The following ARIH1 variants were observed in gnomAD, a reference collection of about 807,000 sequenced individuals.
The protein encoded by ARIH1 is ariadne RBR E3 ubiquitin protein ligase 1.
Under a neutral mutation model 85.0 loss-of-function variants are expected in ARIH1, and 8 were observed. That is an observed-to-expected ratio of 0.09 (90% CI 0.06 to 0.17). The LOEUF (loss-of-function observed/expected upper bound fraction) is 0.17. Ranked by LOEUF, ARIH1 falls within the 10% of genes least tolerant of loss-of-function variation. ARIH1 has a pLI of 1.00. For synonymous variants in ARIH1, 238 were observed against 253.6 expected, an observed-to-expected ratio of 0.94 and a Z score of 0.59; for missense variants, 311 against 718.1, an observed-to-expected ratio of 0.43 and a Z score of 6.48.
rs1228681104 is a variant in ARIH1 at position 72,484,045 on chromosome 15, C to T, written c.375+9031C>T. ...AAAATTAGCCGGGCATGGTGGTGGG[C>T]GCCTGTAATCCCAGCTACTCGGGAG... is the stretch of plus-strand genomic sequence containing the variant. On this transcript the variant is annotated intron_variant, in intron 1 of 13. Coordinates refer to ENST00000379887, the MANE Select transcript of ARIH1 (RefSeq NM_005744.5). 3.3e-5 allele frequency among the ~76,000 whole-genome samples: 5 copies of T among 151,462 alleles called. No homozygotes were observed. The East Asian group carries it at 5.8e-4, about 18-fold the overall frequency.
intron 1 of ARIH1, among the ~76,000 whole-genome samples, chr15:72,476,564 C>A (rs1483508977): frequency 1.4e-4 from 21 of 152,122 alleles, no homozygotes; most frequent in Admixed American, 1.3e-3. Flanking sequence ...CGGGTTTCAC[C>A]ATGCTGGCCA....
At chr15:72,525,513 A>G (rs531595392) in intron 2 of ARIH1, among the ~76,000 whole-genome samples, 1 of 152,346 alleles carries the variant, frequency 6.6e-6, no homozygotes, top group African/African-American at 2.4e-5. Context: ...ATTTGAATGT[A>G]TTGGAAGTTC....
intron 11 of ARIH1, among the ~76,000 whole-genome samples, chr15:72,575,542 C>T (rs1163436697): frequency 5.7e-5 from 6 of 105,810 alleles, no homozygotes; most frequent in African/African-American, 2.3e-4. Context: ...CAGAGCAAGA[C>T]CCTGTCTCCA....
chr15:72,554,677 G>C (rs2064167504), intron 3 of ARIH1, among the ~76,000 whole-genome samples: 1 of 152,180 alleles, frequency 6.6e-6, no homozygotes, highest in Non-Finnish European at 1.5e-5. Context: ...ATGAGCCAGT[G>C]TGCTCTGCTT....
intron 1 of ARIH1, among the ~76,000 whole-genome samples, chr15:72,499,246 C>G (rs1471308105): frequency 6.6e-6 from 1 of 151,548 alleles, no homozygotes; most frequent in African/African-American, 2.4e-5. Context: ...AAAGTGTTGG[C>G]GTGAGCCACT....
chr15:72,493,481 A>G (rs1474548203), intron 1 of ARIH1, among the ~76,000 whole-genome samples: 1 of 152,108 alleles, frequency 6.6e-6, no homozygotes, highest in Non-Finnish European at 1.5e-5. Flanking sequence ...GTTTGTTCAT[A>G]CCCTCATTGC....
At position 72,479,173 on chromosome 15, in the gene ARIH1, A is replaced by G. The variant is rs544325395; in HGVS notation, c.375+4159A>G. Among the ~76,000 whole-genome samples, 6 of 152,312 alleles carry G rather than the reference A, an allele frequency of 3.9e-5. No homozygotes were observed. In the East Asian group the frequency reaches 1.2e-3, roughly 29 times the overall value. On this transcript the variant is annotated intron_variant, in intron 1 of 13. Coordinates refer to ENST00000379887, the MANE Select transcript of ARIH1 (RefSeq NM_005744.5). ...GCTCAAAGGAAATGCTCACTGCAGC[A>G]TTTTGGATTTCGGATTTTCAGATTA... is the stretch of plus-strand genomic sequence containing the variant.
rs2140441223 is a variant in ARIH1, at chr15:72,583,460, TAAA to T, written c.*171_*173del. 1 of 514,804 alleles carries T rather than the reference TAAA, an allele frequency of 1.9e-6. No individual in the cohort carries two copies. Among genetic ancestry groups the T allele is most frequent in the South Asian group, 3.8e-5 (1 of 26,490 alleles). 31.9% of individuals were successfully genotyped at this position (514,804 alleles called of 1,614,324 possible). A position where few individuals can be genotyped will look rare whatever the true frequency, so the allele number is the denominator to read the frequency against. ...AAAGTTTAAGTAAATTATATTGTAA[TAAA>T]AAGGTAGATAAACCATTGTACAACA... On this transcript the variant is annotated 3_prime_UTR_variant, in exon 14 of 14. Transcript: ENST00000379887.
intron 1 of ARIH1, among the ~76,000 whole-genome samples, chr15:72,507,650 AT>A: frequency 6.6e-6 from 1 of 152,340 alleles, no homozygotes; most frequent in Non-Finnish European, 1.5e-5. Flanking sequence ...CCTGGGCAAC[AT>A]AGCAAGATCC....
intron 4 of ARIH1, among the ~76,000 whole-genome samples, chr15:72,555,581 T>C (rs1161533884): frequency 6.6e-6 from 1 of 152,272 alleles, no homozygotes; most frequent in Non-Finnish European, 1.5e-5. Context: ...TATTGGTATA[T>C]GTTAACTTAA....
At chr15:72,527,553 T>G (rs748322980) in intron 2 of ARIH1, among the ~76,000 whole-genome samples, 1 of 152,146 alleles carries the variant, frequency 6.6e-6, no homozygotes, top group African/African-American at 2.4e-5. Flanking sequence ...TATTACACTT[T>G]AGTAGTACAA....
intron 2 of ARIH1, among the ~76,000 whole-genome samples, chr15:72,527,148 T>C (rs2064033313): frequency 6.6e-6 from 1 of 152,218 alleles, no homozygotes; most frequent in African/African-American, 2.4e-5. Flanking sequence ...AAACAAACTT[T>C]AAGAAGTTAA....
At chr15:72,479,949 G>GCTC (rs2063808988) in intron 1 of ARIH1, among the ~76,000 whole-genome samples, 1 of 149,952 alleles carries the variant, frequency 6.7e-6, no homozygotes, top group South Asian at 2.1e-4. Flanking sequence ...CTCACCGCAA[G>GCTC]CTCCGCCTCC....
chr15:72,597,444 T>G lies in ARIH1; in HGVS notation c.*14152T>G, dbSNP rs1007564502. The stretch of plus-strand genomic sequence containing the variant: ...TTGCTGCCAGGATTTTTTTTTTTAA[T>G]CAATGGGCTGGGGATAGGAGGATCT... On this transcript the variant is annotated 3_prime_UTR_variant, in exon 14 of 14. Coordinates refer to ENST00000379887, the MANE Select transcript of ARIH1 (RefSeq NM_005744.5). The G allele has an allele frequency of 1.3e-5, 2 of 149,704 alleles. No individual in the cohort carries two copies. Among genetic ancestry groups the G allele is most frequent in the African/African-American group, 5.1e-5 (2 of 39,214 alleles). The allele number at this position is 149,704 out of a possible 1,614,324, so 9.3% of individuals were successfully genotyped here. A position where few individuals can be genotyped will look rare whatever the true frequency, so the allele number is the denominator to read the frequency against.
intron 1 of ARIH1, among the ~76,000 whole-genome samples, chr15:72,478,981 G>A (rs1311261374): frequency 6.6e-6 from 1 of 152,094 alleles, no homozygotes; most frequent in Non-Finnish European, 1.5e-5. Flanking sequence ...AGGACTATAG[G>A]TGTGTGGCAC....
intron 5 of ARIH1, among the ~76,000 whole-genome samples, chr15:72,557,891 T>G (rs1006359753): frequency 6.6e-6 from 1 of 152,232 alleles, no homozygotes; most frequent in Non-Finnish European, 1.5e-5. Flanking sequence ...TTTTGTACAT[T>G]GATTTTGTAT....
chr15:72,594,028 C>G lies in ARIH1; in HGVS notation c.*10736C>G, dbSNP rs925829178. 6.6e-6 allele frequency: 1 copy of G among 151,952 alleles called. No individual in the cohort carries two copies. Among genetic ancestry groups the G allele is most frequent in the African/African-American group, 2.4e-5 (1 of 41,500 alleles). The allele number at this position is 151,952 out of a possible 1,614,324, so 9.4% of individuals were successfully genotyped here. A position where few individuals can be genotyped will look rare whatever the true frequency, so the allele number is the denominator to read the frequency against. On this transcript the variant is annotated 3_prime_UTR_variant, in exon 14 of 14. Coordinates refer to ENST00000379887, the MANE Select transcript of ARIH1 (RefSeq NM_005744.5). The stretch of plus-strand genomic sequence containing the variant: ...CAGCTAATTCATGAACATATTAAGT[C>G]TTGTCATTTATTTAGGTATTAAATT...
intron 3 of ARIH1, among the ~76,000 whole-genome samples, chr15:72,554,550 C>T (rs1292604414): frequency 6.6e-6 from 1 of 152,112 alleles, no homozygotes; most frequent in Non-Finnish European, 1.5e-5. Context: ...CCACACCTGG[C>T]TAATTTCTTA....
chr15:72,519,383 C>T (rs1401215599), intron 2 of ARIH1, among the ~76,000 whole-genome samples: 8 of 150,872 alleles, frequency 5.3e-5, no homozygotes, highest in African/African-American at 7.3e-5. Context: ...AAAACAAACA[C>T]ATACTGTATA....
Sources: allele counts gnomAD v4.1 joint callset (sites outside exome capture counted in the v4.1 genomes callset), GRCh38; gene constraint gnomAD v4.1.1; transcripts MANE v1.5; gene names NCBI Gene and HGNC (gene_info 2026-07-23, HGNC 2026-07-21).